The following H6PD variants were observed in gnomAD, a reference collection of about 807,000 sequenced individuals.
H6PD encodes the protein GDH/6PGL endoplasmic bifunctional protein.
In H6PD, 48 loss-of-function variants were observed where a neutral mutation model predicts 61.2. The observed-to-expected ratio is 0.78, with a 90% confidence interval of 0.62 to 1.00. H6PD has a LOEUF of 1.00. Among genes scored for constraint, H6PD ranks in the 50% least tolerant of loss-of-function variants. H6PD has a pLI of 0.00. For missense variants in H6PD, 1,093 were observed against 1,065.0 expected (o/e 1.03, Z -0.37); for synonymous variants, 480 against 457.9 (o/e 1.05, Z -0.62).
In H6PD at chr1:9,262,236, C is replaced by T. The variant is rs911813715; in HGVS notation, c.923C>T (p.Ala308Val). 2.5e-6 allele frequency: 4 copies of T among 1,613,208 alleles called. No individual in the cohort carries two copies. Among genetic ancestry groups the T allele is most frequent in the Admixed American group, 1.7e-5 (1 of 59,874 alleles). ...QALRGLQRGS[A>V]VVGQYQSYSE... is the part of the protein sequence containing the mutation. ...CTGCGGGGCCTGCAGAGGGGCAGTG[C>T]CGTCGTGGGCCAGTACCAGTCTTAC... The change falls in exon 4 of 5, where the codon GCC becomes GTC. Residue 308 changes from alanine (A) to valine (V), a missense_variant. By Grantham distance (64) the Ala-to-Val change is moderately conservative. Transcript: ENST00000377403.
Position 9,245,559 on chromosome 1 carries a change from C to A in H6PD, c.625C>A (p.Gln209Lys). Residue 209 changes from glutamine to lysine, a missense_variant and splice_region_variant, in exon 2 of 5, where the codon CAG (glutamine) becomes AAG (lysine). Transcript: ENST00000377403. This position sits in a 1 kb window ranked among gnomAD's most constrained non-coding sequence, Gnocchi z 4.8. ...CCGGGTGGACCATTACTTAGGCAAG[C>A]AGGTGAGCATCAGCATGGAGCCTGC... Reference protein sequence around the residue: ...MYRVDHYLGKQAVAQILPFRD... With the variant: ...MYRVDHYLGKKAVAQILPFRD... 6.2e-7 allele frequency: 1 copy of A among 1,614,058 alleles called. No homozygotes were observed. Among genetic ancestry groups the A allele is most frequent in the Non-Finnish European group, 8.5e-7 (1 of 1,179,928 alleles).
chr1:9,264,572 G>A lies in H6PD; in HGVS notation c.2079G>A (p.Met693Ile), dbSNP rs750865188. ...NSSFDLVLLG[M>I]GADGHTASLF... ...GCTTCGACCTGGTGCTGCTGGGCAT[G>A]GGTGCCGACGGGCACACAGCCTCCC... The change falls in exon 5 of 5, where the codon ATG (methionine) becomes ATA (isoleucine). Residue 693 changes from methionine to isoleucine, a missense_variant. Met to Ile is a conservative substitution (Grantham distance 10). Coordinates refer to ENST00000377403, the MANE Select transcript of H6PD (RefSeq NM_004285.4). 6.2e-7 allele frequency: 1 copy of A among 1,613,326 alleles called. No individual in the cohort carries two copies. The highest frequency in any genetic ancestry group is 2.2e-5 in the East Asian group (1 of 44,880).
At chr1:9,235,988 G>A (rs1450819464) in intron 1 of H6PD, among the ~76,000 whole-genome samples, 1 of 152,136 alleles carries the variant, frequency 6.6e-6, no homozygotes, top group African/African-American at 2.4e-5. Context: ...AGCTGTCTGA[G>A]TTTTTCCTTG....
chr1:9,255,669 G>A (rs944715777), intron 3 of H6PD, among the ~76,000 whole-genome samples: 7 of 152,132 alleles, frequency 4.6e-5, no homozygotes, highest in African/African-American at 1.4e-4. Flanking sequence ...ACATTCTCCC[G>A]AAAAGGAGAA....
Position 9,262,212 on chromosome 1 carries a change from T to C in H6PD, c.899T>C (p.Leu300Pro). Residue 300 changes from leucine to proline, a missense_variant, in exon 4 of 5, where the codon CTG (leucine) becomes CCG (proline). By Grantham distance (98) the Leu-to-Pro change is moderately conservative. Coordinates refer to ENST00000377403, the MANE Select transcript of H6PD (RefSeq NM_004285.4). The part of the protein sequence containing the change: ...LRHKLQVFQA[L>P]RGLQRGSAVV... ...CACAAGCTTCAGGTCTTCCAGGCGC[T>C]GCGGGGCCTGCAGAGGGGCAGTGCC... 1.2e-6 allele frequency: 2 copies of C among 1,614,024 alleles called. No homozygotes were observed. Among genetic ancestry groups the C allele is most frequent in the Non-Finnish European group, 1.7e-6 (2 of 1,179,932 alleles).
intron 4 of H6PD, 97 bp from the exon 5 acceptor site, chr1:9,263,412 G>GTGAGGCA: frequency 3.7e-5 from 44 of 1,194,292 alleles, no homozygotes; most frequent in Middle Eastern, 2.4e-4. Flanking sequence ...CCCTGAGGCA[G>GTGAGGCA]GGGGACGCCC....
In H6PD at chr1:9,254,126, CGG is replaced by C. The variant is rs1214359063; in HGVS notation, c.745+7045_745+7046del. On this transcript the variant is annotated intron_variant, in intron 3 of 4. Coordinates refer to ENST00000377403, the MANE Select transcript of H6PD (RefSeq NM_004285.4). The surrounding 1 kb of genome is among the most constrained non-coding windows in gnomAD (Gnocchi z 4.6). Reference sequence around the variant, plus strand: ...ATCCCAGCACTTTGGGAGGCCGAGACGGGTGGATCACTTGAGGTCAGGCGTTC... The same window carrying C: ...ATCCCAGCACTTTGGGAGGCCGAGACGTGGATCACTTGAGGTCAGGCGTTC... 6.6e-6 allele frequency among the ~76,000 whole-genome samples: 1 copy of C among 152,128 alleles called. No individual in the cohort carries two copies. Among genetic ancestry groups the C allele is most frequent in the East Asian group, 1.9e-4 (1 of 5,198 alleles).
At chr1:9,258,483 C>T (rs1051655167) in intron 3 of H6PD, among the ~76,000 whole-genome samples, 4 of 151,716 alleles carry the variant, frequency 2.6e-5, no homozygotes, top group Admixed American at 2.6e-4. Context: ...CGGTGTTGTA[C>T]ACCATTGTTA....
rs1557737781 is a variant in H6PD at position 9,245,324 on chromosome 1, CGCAG to C, written c.393_396del (p.Gly132SerfsTer74). ...AGGACATCGAGGCACAGCTCCAGCA[CGCAG>C]GCCTCCGGGAGGCTGGCAGGATCTT... On this transcript the variant is annotated frameshift_variant, in exon 2 of 5. Coordinates refer to ENST00000377403, the MANE Select transcript of H6PD (RefSeq NM_004285.4). LOFTEE classifies it high-confidence loss of function. This position sits in a 1 kb window ranked among gnomAD's most constrained non-coding sequence, Gnocchi z 4.8. The C allele has an allele frequency of 5.6e-6, 9 of 1,614,098 alleles. No homozygotes were observed. Among genetic ancestry groups the C allele is most frequent in the Non-Finnish European group, 6.8e-6 (8 of 1,180,028 alleles).
chr1:9,262,208 G>T lies in H6PD; in HGVS notation c.895G>T (p.Ala299Ser), dbSNP rs1638335547. 1 of 1,614,016 alleles carries T rather than the reference G, an allele frequency of 6.2e-7. No homozygotes were observed. Among genetic ancestry groups the T allele is most frequent in the Non-Finnish European group, 8.5e-7 (1 of 1,179,998 alleles). Residue 299 changes from alanine to serine, a missense_variant, in exon 4 of 5, where the codon GCG becomes TCG. Ala to Ser is a moderately conservative substitution (Grantham distance 99). Coordinates refer to ENST00000377403, the MANE Select transcript of H6PD (RefSeq NM_004285.4). The stretch of plus-strand genomic sequence containing the variant: ...GCGGCACAAGCTTCAGGTCTTCCAG[G>T]CGCTGCGGGGCCTGCAGAGGGGCAG... ...VLRHKLQVFQ[A>S]LRGLQRGSAV...
In H6PD at chr1:9,234,796, T is replaced by TGGAGGCC. The variant is rs1640802746; in HGVS notation, c.-280_-274dup. 6.9e-6 allele frequency: 1 copy of TGGAGGCC among 145,002 alleles called. No individual in the cohort carries two copies. Among genetic ancestry groups the TGGAGGCC allele is most frequent in the South Asian group, 2.1e-4 (1 of 4,674 alleles). The allele number at this position is 145,002 out of a possible 1,614,324, so 9.0% of individuals were successfully genotyped here. ...CCCAGTCTTGCTGAGCGCAAGGCGG[T>TGGAGGCC]GGAGGCCTGAGGCCTGAGGCCTGGG... On this transcript the variant is annotated 5_prime_UTR_variant, in exon 1 of 5. Transcript: ENST00000377403.
intron 1 of H6PD, among the ~76,000 whole-genome samples, chr1:9,240,936 C>T (rs1557735095): frequency 6.6e-6 from 1 of 152,144 alleles, no homozygotes; most frequent in African/African-American, 2.4e-5. Context: ...TGGGGTCCCC[C>T]TGTCCCTGAC....
rs200472940 is a variant in H6PD, at chr1:9,247,123, G to T, written c.745+40G>T. 1.3e-3 allele frequency: 1,695 copies of T among 1,331,814 alleles called. 5 individuals are homozygous for T. Among genetic ancestry groups the T allele is most frequent in the Admixed American group, 3.9e-3 (230 of 59,662 alleles). 82.5% of individuals were successfully genotyped at this position (1,331,814 alleles called of 1,614,324 possible). ...CTGCGCACTCGGTCCCCCAGCCTCT[G>T]CCTGCCCGCTGTCTGCGGTGAGGCA... On this transcript the variant is annotated intron_variant, in intron 3 of 4. Coordinates refer to ENST00000377403, the MANE Select transcript of H6PD (RefSeq NM_004285.4).
chr1:9,262,399 G>T (rs996071158), intron 4 of H6PD, 71 bp downstream of exon 4: 4 of 1,395,030 alleles, frequency 2.9e-6, no homozygotes, highest in Non-Finnish European at 4.0e-6. Context: ...AAATGCAGAC[G>T]CCCTTGGGTG....
At chr1:9,235,318 G>C (rs1283878196) in intron 1 of H6PD, among the ~76,000 whole-genome samples, 1 of 152,102 alleles carries the variant, frequency 6.6e-6, no homozygotes, top group Non-Finnish European at 1.5e-5. Context: ...GATTTCCCCC[G>C]GGACCTGCTT....
chr1:9,244,889 T>A (rs376093430), intron 1 of H6PD, 36 bp from the exon 2 acceptor site: 3 of 1,605,488 alleles, frequency 1.9e-6, no homozygotes, highest in Middle Eastern at 1.7e-4. Context: ...TGTCTGATCC[T>A]TCCTTGTTCC....
intron 3 of H6PD, among the ~76,000 whole-genome samples, chr1:9,256,582 C>T (rs1264243578): frequency 6.6e-6 from 1 of 152,120 alleles, no homozygotes; most frequent in Non-Finnish European, 1.5e-5. Context: ...CCAGGACTGG[C>T]GCCATGGACC....
chr1:9,246,012 G>A (rs1262003329), intron 2 of H6PD, among the ~76,000 whole-genome samples: 2 of 151,184 alleles, frequency 1.3e-5, no homozygotes, highest in East Asian at 1.9e-4. Flanking sequence ...GCATGATCTC[G>A]GCTCACTGCA....
chr1:9,246,961 G>C lies in H6PD; in HGVS notation c.628-5G>C. The stretch of plus-strand genomic sequence containing the variant: ...GCAGCACGCCCAGTCTTCCCCCCCC[G>C]ACAGGCTGTGGCGCAGATCCTGCCT... On this transcript the variant is annotated splice_region_variant and splice_polypyrimidine_tract_variant and intron_variant, in intron 2 of 4. Coordinates refer to ENST00000377403, the MANE Select transcript of H6PD (RefSeq NM_004285.4). 1 of 1,601,208 alleles carries C rather than the reference G, an allele frequency of 6.2e-7. No individual in the cohort carries two copies. Among genetic ancestry groups the C allele is most frequent in the Non-Finnish European group, 8.6e-7 (1 of 1,168,374 alleles).
Sources: allele counts gnomAD v4.1 joint callset (sites outside exome capture counted in the v4.1 genomes callset), GRCh38; gene constraint gnomAD v4.1.1; non-coding constraint Gnocchi (gnomAD v3.1); transcripts MANE v1.5; gene names NCBI Gene and HGNC (gene_info 2026-07-23, HGNC 2026-07-21).